Variants in EXOC2 observed in about 807,000 individuals in gnomAD.
EXOC2 encodes the protein exocyst complex component 2.
Under a neutral mutation model 131.8 loss-of-function variants are expected in EXOC2, and 70 were observed. That is an observed-to-expected ratio of 0.53 (90% CI 0.44 to 0.65). The LOEUF is 0.65. Among genes scored for constraint, EXOC2 ranks in the 30% least tolerant of loss-of-function variants. The probability of loss-of-function intolerance (pLI) is 0.00; values close to 1 mark genes in which losing one functional copy is unlikely to be tolerated. For missense variants in EXOC2, 923 were observed against 1,108.6 expected (o/e 0.83, Z 2.38); for synonymous variants, 411 against 398.4 (o/e 1.03, Z -0.38).
At chr6:680,781 A>C (rs1396614573) in intron 1 of EXOC2, among the ~76,000 whole-genome samples, 2 of 152,170 alleles carry the variant, frequency 1.3e-5, no homozygotes, top group Non-Finnish European at 2.9e-5. Flanking sequence ...TTAAAGAAAA[A>C]GGGATGAAAA....
chr6:560,925 C>T (rs1757666285), intron 17 of EXOC2, among the ~76,000 whole-genome samples: 1 of 151,970 alleles, frequency 6.6e-6, no homozygotes, highest in African/African-American at 2.4e-5. Flanking sequence ...TCAGGCTGGT[C>T]TCGAACTCCT....
rs548696801 is a variant in EXOC2, at chr6:632,863, G to T, written c.295+78C>A. On this transcript the variant is annotated intron_variant, in intron 3 of 27. Transcript: ENST00000230449. Reference sequence around the variant, plus strand: ...ATATGCAAGTAGGTAGGTTTTACACGAATCTACCAGCTTTACAGCTTAAAA... The same window carrying T: ...ATATGCAAGTAGGTAGGTTTTACACTAATCTACCAGCTTTACAGCTTAAAA... 2.3e-5 allele frequency: 32 copies of T among 1,407,904 alleles called. No individual in the cohort carries two copies. In the African/African-American group the frequency reaches 4.2e-4, roughly 18 times the overall value. 87.2% of individuals were successfully genotyped at this position (1,407,904 alleles called of 1,614,324 possible). A position where few individuals can be genotyped will look rare whatever the true frequency, so the allele number is the denominator to read the frequency against.
At chr6:622,414 T>C (rs1055671330) in intron 4 of EXOC2, among the ~76,000 whole-genome samples, 1 of 152,172 alleles carries the variant, frequency 6.6e-6, no homozygotes, top group Non-Finnish European at 1.5e-5. Flanking sequence ...TCAAACAGCT[T>C]CTGTGCCCCT....
At chr6:521,138 T>A (rs2493025) in intron 23 of EXOC2, among the ~76,000 whole-genome samples, 2,487 of 43,504 alleles carry the variant, frequency 0.057, no homozygotes, top group African/African-American at 0.16. Context: ...ACCGAGTGCC[T>A]ACACTCACTG....
chr6:507,754 T>C (rs891970606), intron 23 of EXOC2, among the ~76,000 whole-genome samples: 2 of 152,218 alleles, frequency 1.3e-5, no homozygotes, highest in African/African-American at 2.4e-5. Flanking sequence ...TCTGATTTTC[T>C]TTATGGGAAA....
intron 11 of EXOC2, among the ~76,000 whole-genome samples, chr6:586,500 T>C (rs529709607): frequency 1.3e-5 from 2 of 152,312 alleles, no homozygotes; most frequent in Admixed American, 1.3e-4. Context: ...ATTTCCTTAA[T>C]AGAATTCACC....
At chr6:606,556 A>G (rs1260679372) in intron 7 of EXOC2, among the ~76,000 whole-genome samples, 1 of 152,258 alleles carries the variant, frequency 6.6e-6, no homozygotes, top group East Asian at 1.9e-4. Context: ...AATATTTACA[A>G]TATGAATCAA....
intron 1 of EXOC2, among the ~76,000 whole-genome samples, chr6:664,883 G>A (rs1394210756): frequency 6.6e-6 from 1 of 152,116 alleles, no homozygotes; most frequent in Non-Finnish European, 1.5e-5. Context: ...GCTTAGGCAA[G>A]GATTTCATGC....
intron 11 of EXOC2, among the ~76,000 whole-genome samples, chr6:591,095 G>A (rs1759516090): frequency 1.3e-5 from 2 of 152,058 alleles, no homozygotes; most frequent in African/African-American, 4.8e-5. Flanking sequence ...ATTCCTGAAC[G>A]GCCCTGGAGT....
At chr6:508,921 C>T (rs1764706503) in intron 23 of EXOC2, among the ~76,000 whole-genome samples, 1 of 152,226 alleles carries the variant, frequency 6.6e-6, no homozygotes, top group African/African-American at 2.4e-5. Flanking sequence ...TGGTGCTCCA[C>T]ATGCTCACCA....
intron 5 of EXOC2, among the ~76,000 whole-genome samples, chr6:618,980 T>C (rs1035757215): frequency 1.3e-5 from 2 of 152,218 alleles, no homozygotes; most frequent in Non-Finnish European, 2.9e-5. Context: ...CCTTGTCTAC[T>C]TTTTTGCTAA....
At chr6:530,763 C>T (rs942356022) in intron 23 of EXOC2, among the ~76,000 whole-genome samples, 11 of 152,166 alleles carry the variant, frequency 7.2e-5, no homozygotes, top group Non-Finnish European at 1.3e-4. Flanking sequence ...CTGTGGCCTC[C>T]ACAACAGTGG....
intron 7 of EXOC2, among the ~76,000 whole-genome samples, chr6:605,311 A>C (rs1278535552): frequency 6.6e-6 from 1 of 152,276 alleles, no homozygotes; most frequent in African/African-American, 2.4e-5. Context: ...ACGTTTGTTG[A>C]AACATTAAAA....
At chr6:503,010 G>C (rs1412788741) in intron 23 of EXOC2, among the ~76,000 whole-genome samples, 1 of 152,344 alleles carries the variant, frequency 6.6e-6, no homozygotes, top group African/African-American at 2.4e-5. Flanking sequence ...AAGGGCCGGA[G>C]TGAGGCGGAG....
At chr6:565,955 T>C (rs1274868696) in intron 13 of EXOC2, among the ~76,000 whole-genome samples, 4 of 152,200 alleles carry the variant, frequency 2.6e-5, no homozygotes, top group Non-Finnish European at 5.9e-5. Context: ...AACAGAACTA[T>C]CAGACAAACC....
intron 1 of EXOC2, among the ~76,000 whole-genome samples, chr6:659,674 A>C (rs1276398359): frequency 6.6e-6 from 1 of 152,168 alleles, no homozygotes; most frequent in African/African-American, 2.4e-5. Flanking sequence ...GGGTGAGCGA[A>C]ACACAGGGGT....
intron 6 of EXOC2, among the ~76,000 whole-genome samples, chr6:615,314 G>T (rs1208148094): frequency 6.6e-6 from 1 of 151,960 alleles, no homozygotes; most frequent in African/African-American, 2.4e-5. Flanking sequence ...GGAGACCCCA[G>T]ACACGAATGC....
At chr6:554,284 C>T (rs142178942) in intron 20 of EXOC2, among the ~76,000 whole-genome samples, 232 of 152,290 alleles carry the variant, frequency 1.5e-3, no homozygotes, top group African/African-American at 5.4e-3. Context: ...TCGTGATCCG[C>T]CTGCCTCGGC....
In EXOC2 at chr6:693,034, C is replaced by T. The variant is rs1276472479; in HGVS notation, c.-59G>A. The T allele has an allele frequency of 2.0e-5, 3 of 152,478 alleles. No individual in the cohort carries two copies. Among genetic ancestry groups the T allele is most frequent in the Admixed American group, 6.5e-5 (1 of 15,294 alleles). The allele number at this position is 152,478 out of a possible 1,614,324, so 9.4% of individuals were successfully genotyped here. ...CCACACATACCTCCAGCCGTCCTGC[C>T]GCAGCTCACGGCCGGCACAGACAGG... is the stretch of plus-strand genomic sequence containing the variant. On this transcript the variant is annotated 5_prime_UTR_variant, in exon 1 of 28. Coordinates refer to ENST00000230449, the MANE Select transcript of EXOC2 (RefSeq NM_018303.6).
Sources: gnomAD v4.1 joint callset for allele counts (sites outside exome capture counted in the v4.1 genomes callset) on GRCh38, gnomAD v4.1.1 for gene constraint, MANE v1.5 for transcripts, NCBI Gene and HGNC (gene_info 2026-07-23, HGNC 2026-07-21) for gene names.